Variants in RRAGB observed in about 807,000 individuals in gnomAD.
The protein encoded by RRAGB is Ras related GTP binding B.
A neutral mutation model predicts 29.3 loss-of-function variants in RRAGB; 6 were observed. The observed-to-expected ratio is 0.21, with a 90% CI of 0.11 to 0.40. The LOEUF (loss-of-function observed/expected upper bound fraction) is 0.40, where lower values mean the gene tolerates loss of function less well. Ranked by LOEUF, RRAGB falls within the 10% of genes least tolerant of loss-of-function variation. The probability of loss-of-function intolerance (pLI) is 1.00; values close to 1 mark genes in which losing one functional copy is unlikely to be tolerated. For missense variants in RRAGB, 184 were observed against 272.9 expected (o/e 0.67, Z 2.29); for synonymous variants, 101 against 92.5 (o/e 1.09, Z -0.53).
chrX:55,724,451 C>G (rs1234909820), intron 3 of RRAGB, among the ~76,000 whole-genome samples: 1 of 111,635 alleles, frequency 9.0e-6, no homozygotes, highest in Non-Finnish European at 1.9e-5. Context: ...GCTATCTTTC[C>G]TAACTCCATG....
intron 2 of RRAGB, among the ~76,000 whole-genome samples, chrX:55,720,629 C>T (rs1409197591): frequency 1.8e-5 from 2 of 109,558 alleles, no homozygotes; most frequent in African/African-American, 6.7e-5. Flanking sequence ...TCACTTGAGG[C>T]CAGGAGTTCA....
At chrX:55,725,132 A>G (rs1379476205) in intron 3 of RRAGB, among the ~76,000 whole-genome samples, 2 of 112,113 alleles carry the variant, frequency 1.8e-5, no homozygotes, top group East Asian at 2.8e-4. Flanking sequence ...CTTATTGTGA[A>G]CAGAATTTTG....
intron 6 of RRAGB, 26 bp from the exon 7 acceptor site, chrX:55,753,366 A>T: frequency 8.5e-7 from 1 of 1,173,599 alleles, no homozygotes; most frequent in Non-Finnish European, 1.2e-6. Context: ...TGTTAATAAT[A>T]GTACACTGTG....
intron 5 of RRAGB, among the ~76,000 whole-genome samples, chrX:55,749,748 C>T (rs1472328216): frequency 9.0e-6 from 1 of 110,669 alleles, no homozygotes; most frequent in African/African-American, 3.2e-5. Flanking sequence ...CAAACCTGTG[C>T]TCTCTGAAAC....
At chrX:55,753,126 T>A (rs1193031708) in intron 6 of RRAGB, among the ~76,000 whole-genome samples, 1 of 112,593 alleles carries the variant, frequency 8.9e-6, no homozygotes, top group African/African-American at 3.2e-5. Flanking sequence ...AATATTTGTT[T>A]GCTTTCAATT....
intron 5 of RRAGB, among the ~76,000 whole-genome samples, chrX:55,748,136 C>T (rs781405935): frequency 1.9e-4 from 22 of 112,864 alleles, no homozygotes; most frequent in African/African-American, 7.1e-4. Context: ...TCCGGAGGTG[C>T]CGGGATTGCA....
chrX:55,728,128 A>AGAT (rs1205379000), intron 3 of RRAGB, among the ~76,000 whole-genome samples: 1 of 111,734 alleles, frequency 8.9e-6, no homozygotes, highest in African/African-American at 3.3e-5. Context: ...TAAGGCCTGT[A>AGAT]GATGTGTTTT....
intron 7 of RRAGB, chrX:55,755,276 T>C: frequency 1.3e-6 from 1 of 752,122 alleles, no homozygotes; most frequent in Non-Finnish European, 1.6e-6. Flanking sequence ...GTAATACTTG[T>C]GTGGTTTTAT....
intron 5 of RRAGB, among the ~76,000 whole-genome samples, chrX:55,739,601 C>G (rs1245250158): frequency 2.7e-5 from 3 of 111,950 alleles, no homozygotes; most frequent in African/African-American, 6.5e-5. Context: ...TTGTCTCCCC[C>G]TTTCATGCTC....
At chrX:55,753,650 A>G in intron 7 of RRAGB, 136 bp downstream of exon 7, 1 of 575,735 alleles carries the variant, frequency 1.7e-6, no homozygotes, top group East Asian at 3.6e-5. Context: ...ACTTATTTAT[A>G]AAATAGTATT....
At chrX:55,729,856 C>T (rs2033615433) in intron 4 of RRAGB, among the ~76,000 whole-genome samples, 1 of 112,449 alleles carries the variant, frequency 8.9e-6, no homozygotes, top group South Asian at 3.6e-4. Context: ...TATTCCATCA[C>T]AAATGTACAC....
At chrX:55,739,637 C>T (rs2033984892) in intron 5 of RRAGB, among the ~76,000 whole-genome samples, 1 of 111,318 alleles carries the variant, frequency 9.0e-6, no homozygotes, top group Non-Finnish European at 1.9e-5. Flanking sequence ...GTCTGCCTGG[C>T]TCATGGTGTA....
chrX:55,744,554 C>A (rs1346381044), intron 5 of RRAGB, among the ~76,000 whole-genome samples: 3 of 110,210 alleles, frequency 2.7e-5, no homozygotes, highest in African/African-American at 9.9e-5. Context: ...CAAATAATAC[C>A]CAGTTCATGA....
chrX:55,739,583 A>G (rs747932994), intron 5 of RRAGB, among the ~76,000 whole-genome samples: 1 of 112,147 alleles, frequency 8.9e-6, no homozygotes, highest in East Asian at 2.8e-4. Context: ...ATGTGTATCA[A>G]GGAGACATTG....
At chrX:55,720,478 T>C (rs1011496948) in intron 2 of RRAGB, among the ~76,000 whole-genome samples, 1 of 111,821 alleles carries the variant, frequency 8.9e-6, no homozygotes, top group Non-Finnish European at 1.9e-5. Flanking sequence ...ATACTTCTTA[T>C]ATTAGTAATT....
intron 5 of RRAGB, among the ~76,000 whole-genome samples, chrX:55,736,507 TG>T (rs916844692): frequency 1.8e-5 from 2 of 112,176 alleles, no homozygotes; most frequent in African/African-American, 6.5e-5. Context: ...GATCCATCAC[TG>T]GAGAGTTAGT....
chrX:55,751,103 T>A lies in RRAGB; in HGVS notation c.519T>A (p.Ile173=). The part of the protein sequence containing the change: ...DLVQEDQRDL[I]FKEREEDLRR... ...GTATGTTGGGCTTTTTAATTTAGAT[T>A]TTTAAAGAGCGAGAAGAAGATTTGA... is the stretch of plus-strand genomic sequence containing the variant. The change falls in exon 6 of 10, where the codon ATT becomes ATA. Residue 173 remains isoleucine (I), a splice_region_variant and synonymous_variant. Coordinates refer to ENST00000374941, the MANE Select transcript of RRAGB (RefSeq NM_006064.5). The A allele has an allele frequency of 3.4e-6, 4 of 1,167,011 alleles. No homozygotes were observed. The highest frequency in any genetic ancestry group is 4.7e-6 in the Non-Finnish European group (4 of 857,138).
chrX:55,744,087 A>G (rs2034166435), intron 5 of RRAGB, among the ~76,000 whole-genome samples: 1 of 110,142 alleles, frequency 9.1e-6, no homozygotes, highest in South Asian at 4.0e-4. Flanking sequence ...GTTGCAGGCT[A>G]AAAAAGAGAG....
chrX:55,718,447 G>T, intron 1 of RRAGB, 28 bp downstream of exon 1: 1 of 975,862 alleles, frequency 1.0e-6, no homozygotes, highest in Non-Finnish European at 1.4e-6. Context: ...GTGAAACCTG[G>T]AAGTGGGGGT....
Sources: allele counts gnomAD v4.1 joint callset (sites outside exome capture counted in the v4.1 genomes callset), GRCh38; gene constraint gnomAD v4.1.1; transcripts MANE v1.5; gene names NCBI Gene and HGNC (gene_info 2026-07-23, HGNC 2026-07-21).